Variants in SMOC2 observed in about 807,000 individuals in gnomAD.
SMOC2 encodes the protein SPARC-related modular calcium-binding protein 2.
A neutral mutation model predicts 61.4 loss-of-function variants in SMOC2; 39 were observed. The ratio of observed to expected loss-of-function variants is 0.64; its 90% CI spans 0.49 to 0.83. The LOEUF (loss-of-function observed/expected upper bound fraction) is 0.83, where lower values mean the gene tolerates loss of function less well. Ranked by LOEUF, SMOC2 falls within the 40% of genes least tolerant of loss-of-function variation. SMOC2 has a pLI of 0.00. For synonymous variants in SMOC2, 247 were observed against 239.9 expected, an observed-to-expected ratio of 1.03 and a Z score of -0.27; for missense variants, 556 against 592.9, an observed-to-expected ratio of 0.94 and a Z score of 0.65.
chr6:168,441,497 C>G lies in SMOC2; in HGVS notation c.84+43C>G, dbSNP rs1458607308. The G allele has an allele frequency of 4.1e-6, 6 of 1,457,022 alleles. No individual in the cohort carries two copies. In the Admixed American group the frequency reaches 1.3e-4, roughly 31 times the overall value. 90.3% of individuals were successfully genotyped at this position (1,457,022 alleles called of 1,614,324 possible). A position where few individuals can be genotyped will look rare whatever the true frequency, so the allele number is the denominator to read the frequency against. ...GGACCTGGAGCTCAAGTGGTGCCGC[C>G]TCTTGCAGCCGGCCGGGTTCGGGTC... On this transcript the variant is annotated intron_variant, in intron 1 of 12. Coordinates refer to ENST00000356284, the MANE Select transcript of SMOC2 (RefSeq NM_001166412.2).
chr6:168,648,912 G>A (rs1787116975), intron 9 of SMOC2, among the ~76,000 whole-genome samples: 1 of 152,182 alleles, frequency 6.6e-6, no homozygotes, highest in South Asian at 2.1e-4. Flanking sequence ...GCTGGTCTCC[G>A]AACGACTTGG....
chr6:168,512,833 A>C lies in SMOC2; in HGVS notation c.256+2747A>C, dbSNP rs190155637. Among the ~76,000 whole-genome samples, 153 of 152,316 alleles carry C rather than the reference A, an allele frequency of 1.0e-3. 1 individual carries two copies. The highest frequency in any genetic ancestry group is 3.2e-3 in the African/African-American group (131 of 41,572). On this transcript the variant is annotated intron_variant, in intron 2 of 12. Transcript: ENST00000356284. ...TAGAAACAGCTAACATCTGGTGATG[A>C]TGCCACACATTGACCCTCCAGTGTA...
chr6:168,469,656 G>A (rs192183207), intron 1 of SMOC2, among the ~76,000 whole-genome samples: 19 of 152,322 alleles, frequency 1.2e-4, no homozygotes, highest in Admixed American at 4.6e-4. Context: ...AGAGCTGCTC[G>A]GAGCCGATGA....
intron 1 of SMOC2, among the ~76,000 whole-genome samples, chr6:168,458,629 G>A (rs914052313): frequency 3.3e-5 from 5 of 152,082 alleles, no homozygotes; most frequent in African/African-American, 4.8e-5. Flanking sequence ...AGAAACGAAG[G>A]CTCCCAGGGT....
intron 3 of SMOC2, among the ~76,000 whole-genome samples, chr6:168,526,958 TC>T (rs1783469383): frequency 1.3e-5 from 2 of 152,184 alleles, no homozygotes; most frequent in Admixed American, 1.3e-4. Flanking sequence ...CAGCCAGCTC[TC>T]CGTTTTGAGT....
At chr6:168,609,539 G>T (rs1313581722) in intron 9 of SMOC2, among the ~76,000 whole-genome samples, 1 of 152,174 alleles carries the variant, frequency 6.6e-6, no homozygotes, top group Non-Finnish European at 1.5e-5. Flanking sequence ...TGCAGGCTGT[G>T]CTCAGCTGCT....
At chr6:168,466,463 G>T (rs780219360) in intron 1 of SMOC2, among the ~76,000 whole-genome samples, 5 of 152,220 alleles carry the variant, frequency 3.3e-5, no homozygotes, top group Non-Finnish European at 4.4e-5. Context: ...CTGTGGGTTG[G>T]TGGTGGGGGA....
intron 1 of SMOC2, among the ~76,000 whole-genome samples, chr6:168,505,428 A>T: frequency 6.6e-6 from 1 of 151,610 alleles, no homozygotes; most frequent in South Asian, 2.1e-4. Flanking sequence ...CATCTCTCAG[A>T]TGCTGGATGA....
intron 7 of SMOC2, among the ~76,000 whole-genome samples, chr6:168,557,344 T>C (rs1008451695): frequency 6.6e-6 from 1 of 152,220 alleles, no homozygotes; most frequent in African/African-American, 2.4e-5. Context: ...ACCAAAAATA[T>C]GCATAACTAA....
chr6:168,590,580 A>C (rs1438478263), intron 7 of SMOC2, among the ~76,000 whole-genome samples: 1 of 144,884 alleles, frequency 6.9e-6, no homozygotes, highest in African/African-American at 2.5e-5. Context: ...AAAGCCCCTA[A>C]GCGTGTGAGC....
At chr6:168,500,061 C>T (rs752486294) in intron 1 of SMOC2, among the ~76,000 whole-genome samples, 1 of 152,116 alleles carries the variant, frequency 6.6e-6, no homozygotes, top group African/African-American at 2.4e-5. Flanking sequence ...AATCCCAGCA[C>T]TTTGGGATGC....
chr6:168,526,436 A>G lies in SMOC2; in HGVS notation c.347A>G (p.Asp116Gly). The change falls in exon 3 of 13, where the codon GAC becomes GGC. Residue 116 changes from aspartate to glycine, a missense_variant. Asp to Gly is a moderately conservative substitution (Grantham distance 94, BLOSUM62 -1). Coordinates refer to ENST00000356284, the MANE Select transcript of SMOC2 (RefSeq NM_001166412.2). Reference protein sequence around the residue: ...QQVFIPECNDDGTYSQVQCHS... With the variant: ...QQVFIPECNDGGTYSQVQCHS... ...GTGTTCATTCCTGAGTGCAATGACG[A>G]CGGCACCTACAGTCAGGTTACCGGC... 6.2e-7 allele frequency: 1 copy of G among 1,614,068 alleles called. No individual in the cohort carries two copies. The highest frequency in any genetic ancestry group is 8.5e-7 in the Non-Finnish European group (1 of 1,179,984).
intron 9 of SMOC2, among the ~76,000 whole-genome samples, chr6:168,647,102 C>G (rs573824716): frequency 1.3e-5 from 2 of 152,196 alleles, no homozygotes; most frequent in Non-Finnish European, 2.9e-5. Context: ...GTAGCACCTT[C>G]GTGCTATGCC....
intron 11 of SMOC2, among the ~76,000 whole-genome samples, chr6:168,663,627 A>G (rs2115293852): frequency 6.6e-6 from 1 of 152,316 alleles, no homozygotes; most frequent in African/African-American, 2.4e-5. Flanking sequence ...TTCATGATCC[A>G]GTACTCATAA....
intron 12 of SMOC2, among the ~76,000 whole-genome samples, chr6:168,665,685 T>C (rs1349983848): frequency 6.6e-6 from 1 of 152,284 alleles, no homozygotes; most frequent in Non-Finnish European, 1.5e-5. Flanking sequence ...TAGAATACTT[T>C]GACGGGTTGT....
chr6:168,599,570 A>C (rs1583147692), intron 8 of SMOC2, among the ~76,000 whole-genome samples: 1 of 2,022 alleles, frequency 4.9e-4, no homozygotes, highest in Non-Finnish European at 1.1e-3. Context: ...ATACACACCC[A>C]CACTCATACC....
At chr6:168,540,409 A>G (rs1783852205) in intron 4 of SMOC2, among the ~76,000 whole-genome samples, 1 of 152,338 alleles carries the variant, frequency 6.6e-6, no homozygotes, top group Non-Finnish European at 1.5e-5. Flanking sequence ...CACACAGCAC[A>G]TCTTTGGTGA....
At chr6:168,536,872 AT>A (rs1783744467) in intron 4 of SMOC2, among the ~76,000 whole-genome samples, 1 of 152,220 alleles carries the variant, frequency 6.6e-6, no homozygotes, top group Non-Finnish European at 1.5e-5. Flanking sequence ...GAGCAGAGGC[AT>A]TCCCTGAGTT....
chr6:168,592,620 G>C (rs1365629640), intron 7 of SMOC2, among the ~76,000 whole-genome samples: 1 of 136,952 alleles, frequency 7.3e-6, no homozygotes, highest in East Asian at 2.2e-4. Flanking sequence ...CCTCCTTCCT[G>C]AGGCTTCACG....
Sources: allele counts gnomAD v4.1 joint callset (sites outside exome capture counted in the v4.1 genomes callset), GRCh38; gene constraint gnomAD v4.1.1; transcripts MANE v1.5; gene names NCBI Gene and HGNC (gene_info 2026-07-23, HGNC 2026-07-21).